NRG1: variants seen among roughly 807,000 people sequenced by gnomAD.
NRG1 encodes the protein neuregulin 1, also known as pro-neuregulin-1, membrane-bound isoform.
Under a neutral mutation model 63.8 loss-of-function variants are expected in NRG1, and 18 were observed. That is an observed-to-expected ratio of 0.28 (90% CI 0.19 to 0.42). The LOEUF (loss-of-function observed/expected upper bound fraction) is 0.42. Ranked by LOEUF, NRG1 falls within the 10% of genes least tolerant of loss-of-function variation. NRG1 has a pLI of 1.00. For missense variants in NRG1, 762 were observed against 814.7 expected (o/e 0.94, Z 0.79); for synonymous variants, 302 against 301.3 (o/e 1.00, Z -0.02).
At chr8:32,123,170 T>C (rs541813675) in intron 1 of NRG1, among the ~76,000 whole-genome samples, 2 of 151,930 alleles carry the variant, frequency 1.3e-5, no homozygotes, top group African/African-American at 2.4e-5. Context: ...TACTTCACCA[T>C]GTGTCCTTGT....
chr8:32,697,964 T>C (rs1430801656), intron 5 of NRG1, among the ~76,000 whole-genome samples: 2 of 152,122 alleles, frequency 1.3e-5, no homozygotes, highest in East Asian at 3.9e-4. Flanking sequence ...TCCCAGCACT[T>C]TGGGAGGCCA....
Position 31,660,022 on chromosome 8 carries a change from C to G in NRG1, c.37+20591C>G, listed in dbSNP as rs982409677. On this transcript the variant is annotated intron_variant, in intron 1 of 10. Coordinates refer to the NRG1 transcript ENST00000519301. Reference sequence around the variant, plus strand: ...GTCTCAGAGGGGTTACGGAATTTGCCCAAGACACACAGCTGAGTGGTGAAG... The same window carrying G: ...GTCTCAGAGGGGTTACGGAATTTGCGCAAGACACACAGCTGAGTGGTGAAG... Among the ~76,000 whole-genome samples the G allele has an allele frequency of 2.0e-5, 3 of 152,180 alleles. No homozygotes were observed. The East Asian group carries it at 5.8e-4, about 29-fold the overall frequency.
chr8:31,903,485 A>T lies in NRG1; in HGVS notation c.37+264054A>T, dbSNP rs146440873. 2.6e-3 allele frequency among the ~76,000 whole-genome samples: 394 copies of T among 152,032 alleles called. 3 individuals are homozygous for T. Among genetic ancestry groups the T allele is most frequent in the African/African-American group, 9.1e-3 (378 of 41,488 alleles). ...TTGATTCTTCCATGAGAGGCCCTAAACATCATGGCAAAGAGTCTAACCATC... is the reference window on the plus strand; with the variant it reads ...TTGATTCTTCCATGAGAGGCCCTAATCATCATGGCAAAGAGTCTAACCATC... On this transcript the variant is annotated intron_variant, in intron 1 of 10. Transcript: ENST00000519301.
At chr8:32,370,384 A>G (rs1808653526) in intron 1 of NRG1, among the ~76,000 whole-genome samples, 1 of 152,182 alleles carries the variant, frequency 6.6e-6, no homozygotes, top group Non-Finnish European at 1.5e-5. Flanking sequence ...AGAGCAAATG[A>G]TATTTTGCAG....
intron 1 of NRG1, among the ~76,000 whole-genome samples, chr8:32,184,104 GTA>G (rs1841724094): frequency 8.2e-6 from 1 of 121,842 alleles, no homozygotes. Flanking sequence ...GTGTGTGTGT[GTA>G]TATATAGATC....
chr8:32,725,314 T>G (rs2129010598), intron 5 of NRG1, among the ~76,000 whole-genome samples: 1 of 152,228 alleles, frequency 6.6e-6, no homozygotes, highest in African/African-American at 2.4e-5. Context: ...TCTGCAGGAC[T>G]GCGTGGTGAC....
intron 5 of NRG1, among the ~76,000 whole-genome samples, chr8:32,672,781 G>A (rs1165764125): frequency 6.7e-6 from 1 of 149,382 alleles, no homozygotes; most frequent in Non-Finnish European, 1.5e-5. Flanking sequence ...TAACAATATA[G>A]TAATAATGGC....
chr8:32,741,053 A>C (rs753918425), intron 6 of NRG1, among the ~76,000 whole-genome samples: 6 of 152,124 alleles, frequency 3.9e-5, no homozygotes, highest in Non-Finnish European at 8.8e-5. Flanking sequence ...GGCCCTTTTT[A>C]TTAGAGGATA....
chr8:32,595,095 G>T (rs777490158), intron 1 of NRG1, among the ~76,000 whole-genome samples: 1 of 152,106 alleles, frequency 6.6e-6, no homozygotes, highest in East Asian at 1.9e-4. Flanking sequence ...TGCTTCCTGC[G>T]CCTATTCACA....
intron 1 of NRG1, among the ~76,000 whole-genome samples, chr8:31,928,744 C>T (rs1834624672): frequency 6.6e-6 from 1 of 151,796 alleles, no homozygotes; most frequent in African/African-American, 2.4e-5. Flanking sequence ...GAACTAGAGG[C>T]CATTATTCTA....
intron 1 of NRG1, among the ~76,000 whole-genome samples, chr8:31,834,298 C>CACATGCGTGCGT (rs1554546948): frequency 9.2e-5 from 2 of 21,820 alleles, no homozygotes; most frequent in South Asian, 5.3e-3. Context: ...TGCGTGTGCG[C>CACATGCGTGCGT]GCACGCGCGC....
At chr8:31,827,253 A>T (rs1308391807) in intron 1 of NRG1, among the ~76,000 whole-genome samples, 1 of 152,236 alleles carries the variant, frequency 6.6e-6, no homozygotes, top group East Asian at 1.9e-4. Flanking sequence ...GTAAGTGAAG[A>T]AGTGTCAGAT....
At chr8:32,704,208 G>A (rs560451003) in intron 5 of NRG1, among the ~76,000 whole-genome samples, 1 of 152,322 alleles carries the variant, frequency 6.6e-6, no homozygotes, top group East Asian at 1.9e-4. Context: ...TGGGGAGGCC[G>A]TAGAGGTGGG....
rs1158217383 is a variant in NRG1 at position 32,454,573 on chromosome 8, C to CT, written c.38-141229dup. ...TGTGCCCAGTCCTCTTCCCATCCCTCTTTTTTTTTTTTTTTTTTTTTTTTT... is the reference window on the plus strand; with the variant it reads ...TGTGCCCAGTCCTCTTCCCATCCCTCTTTTTTTTTTTTTTTTTTTTTTTTTT... On this transcript the variant is annotated intron_variant, in intron 1 of 10. Coordinates refer to the NRG1 transcript ENST00000519301. Among the ~76,000 whole-genome samples the CT allele has an allele frequency of 0.043, 3,304 of 76,470 alleles. 605 individuals are homozygous for CT. The East Asian group carries it at 0.56, about 13-fold the overall frequency. The allele number at this position is 76,470 out of a possible 152,430, so 50.2% of individuals were successfully genotyped here.
intron 1 of NRG1, among the ~76,000 whole-genome samples, chr8:32,183,396 T>A (rs1841636081): frequency 6.6e-6 from 1 of 152,240 alleles, no homozygotes; most frequent in Non-Finnish European, 1.5e-5. Flanking sequence ...CCAGAAAATG[T>A]ATTCCAATTT....
At chr8:31,851,161 A>C (rs966621277) in intron 1 of NRG1, among the ~76,000 whole-genome samples, 1 of 152,224 alleles carries the variant, frequency 6.6e-6, no homozygotes, top group Admixed American at 6.5e-5. Context: ...TGATGTTGAC[A>C]AAGAAGTAGA....
At position 31,980,876 on chromosome 8, in the gene NRG1, C is replaced by A. The variant is rs556288819; in HGVS notation, c.37+341445C>A. Among the ~76,000 whole-genome samples, 8 of 151,880 alleles carry A rather than the reference C, an allele frequency of 5.3e-5. No individual in the cohort carries two copies. In the East Asian group the frequency reaches 1.4e-3, roughly 26 times the overall value. On this transcript the variant is annotated intron_variant, in intron 1 of 10. Transcript: ENST00000519301. ...AGGTGGGAGAATAACACGTTGATAT[C>A]TTCTTGAAATAAAAATTATATGTCA...
At chr8:32,759,403 A>T in exon 10 of NRG1, 1 of 1,613,830 alleles carries the variant, frequency 6.2e-7, no homozygotes, top group Admixed American at 1.7e-5. Context: ...ACAGCCCATC[A>T]CTCCACTACT....
chr8:32,647,630 CT>C, intron 5 of NRG1: 1 of 1,476,410 alleles, frequency 6.8e-7, no homozygotes, highest in Non-Finnish European at 8.9e-7. Context: ...CGATTTCCCC[CT>C]GTAAGATGCT....
Sources: allele counts gnomAD v4.1 joint callset (sites outside exome capture counted in the v4.1 genomes callset), GRCh38; gene constraint gnomAD v4.1.1; transcripts MANE v1.5; gene names NCBI Gene and HGNC (gene_info 2026-07-23, HGNC 2026-07-21).